GRXCR1: variants seen among roughly 807,000 people sequenced by gnomAD.
The protein encoded by GRXCR1 is glutaredoxin domain-containing cysteine-rich protein 1.
Under a neutral mutation model 27.3 loss-of-function variants are expected in GRXCR1, and 27 were observed. The ratio of observed to expected loss-of-function variants is 0.99; its 90% CI spans 0.73 to 1.37. GRXCR1 has a LOEUF of 1.37. Ranked by LOEUF, GRXCR1 falls within the 40% of genes most tolerant of loss-of-function variation. GRXCR1 has a pLI of 0.00. For missense variants in GRXCR1, 379 were observed against 354.4 expected, an observed-to-expected ratio of 1.07 and a Z score of -0.56; for synonymous variants, 122 against 131.1, an observed-to-expected ratio of 0.93 and a Z score of 0.47.
intron 2 of GRXCR1, among the ~76,000 whole-genome samples, chr4:42,964,585 C>T (rs1400977774): frequency 1.3e-5 from 2 of 151,962 alleles, no homozygotes; most frequent in Non-Finnish European, 2.9e-5. Flanking sequence ...CAAAAGAAAA[C>T]ATTAATTCCT....
intron 1 of GRXCR1, among the ~76,000 whole-genome samples, chr4:42,949,855 A>G (rs372903023): frequency 6.6e-6 from 1 of 152,112 alleles, no homozygotes; most frequent in South Asian, 2.1e-4. Flanking sequence ...CAAATTCTGA[A>G]TTTTCACTGG....
chr4:42,919,316 A>G (rs570727568), intron 1 of GRXCR1, among the ~76,000 whole-genome samples: 1 of 151,740 alleles, frequency 6.6e-6, no homozygotes, highest in African/African-American at 2.4e-5. Context: ...CCTCATATCT[A>G]CTCTTTTATT....
At chr4:42,955,057 C>T (rs982594885) in intron 1 of GRXCR1, among the ~76,000 whole-genome samples, 2 of 151,906 alleles carry the variant, frequency 1.3e-5, no homozygotes, top group East Asian at 3.9e-4. Context: ...TTTACTAGGC[C>T]CACAGCCCTG....
At chr4:42,941,421 T>C (rs1747618216) in intron 1 of GRXCR1, among the ~76,000 whole-genome samples, 2 of 152,068 alleles carry the variant, frequency 1.3e-5, no homozygotes, top group African/African-American at 4.8e-5. Context: ...TATTTTTAAT[T>C]TGAATGCCTA....
At chr4:42,896,856 A>G (rs566621845) in intron 1 of GRXCR1, among the ~76,000 whole-genome samples, 1 of 151,980 alleles carries the variant, frequency 6.6e-6, no homozygotes, top group Non-Finnish European at 1.5e-5. Context: ...TATCAGAAAA[A>G]TTTTTCTGAG....
chr4:43,016,488 T>C (rs575410733), intron 2 of GRXCR1, among the ~76,000 whole-genome samples: 1 of 152,334 alleles, frequency 6.6e-6, no homozygotes, highest in East Asian at 1.9e-4. Context: ...GCCTTACTAC[T>C]TGTGTTCTTA....
intron 2 of GRXCR1, among the ~76,000 whole-genome samples, chr4:42,991,473 C>CAT (rs71648752): frequency 0.21 from 31,419 of 147,600 alleles, 3,557 homozygotes; most frequent in Admixed American, 0.29. Context: ...CACACACATA[C>CAT]ATATATATAT....
Position 42,938,188 on chromosome 4 carries a change from C to T in GRXCR1, c.385-24704C>T, listed in dbSNP as rs574286825. Among the ~76,000 whole-genome samples, 12 of 152,084 alleles carry T rather than the reference C, an allele frequency of 7.9e-5. No homozygotes were observed. In the South Asian group the frequency reaches 2.5e-3, roughly 32 times the overall value. ...GTTACAATATGTGAAGCTTGTCTTT[C>T]TGTGTCAGCTTATTTTAGTTAACAA... On this transcript the variant is annotated intron_variant, in intron 1 of 3. Transcript: ENST00000399770.
chr4:42,896,573 A>C (rs1033439586), intron 1 of GRXCR1, among the ~76,000 whole-genome samples: 3 of 152,066 alleles, frequency 2.0e-5, no homozygotes, highest in Non-Finnish European at 2.9e-5. Context: ...AGATAACAAG[A>C]ATACAGAGCT....
chr4:42,928,726 A>AAAGGC (rs917451742), intron 1 of GRXCR1, among the ~76,000 whole-genome samples: 1 of 151,990 alleles, frequency 6.6e-6, no homozygotes, highest in Non-Finnish European at 1.5e-5. Flanking sequence ...TTTCCATGGG[A>AAAGGC]AAGGCAAGGC....
chr4:42,901,681 C>T (rs1746464092), intron 1 of GRXCR1, among the ~76,000 whole-genome samples: 1 of 152,066 alleles, frequency 6.6e-6, no homozygotes, highest in Non-Finnish European at 1.5e-5. Flanking sequence ...ATTATTCTGC[C>T]TTCTATACTT....
At chr4:42,962,783 T>C in intron 1 of GRXCR1, 109 bp from the exon 2 acceptor site, 1 of 1,203,368 alleles carries the variant, frequency 8.3e-7, no homozygotes, top group Non-Finnish European at 1.2e-6. Context: ...GACAAATGTG[T>C]TCATTCAATT....
chr4:42,987,183 G>A (rs1389828919), intron 2 of GRXCR1, among the ~76,000 whole-genome samples: 1 of 135,894 alleles, frequency 7.4e-6, no homozygotes. Context: ...TGAAAAATGA[G>A]TATGATTTCA....
chr4:42,984,106 G>T (rs57821511), intron 2 of GRXCR1, among the ~76,000 whole-genome samples: 1 of 152,084 alleles, frequency 6.6e-6, no homozygotes, highest in East Asian at 1.9e-4. Flanking sequence ...AAAGTGCTGG[G>T]ATTACAGGCA....
intron 2 of GRXCR1, among the ~76,000 whole-genome samples, chr4:42,997,141 C>A (rs1712192349): frequency 6.6e-6 from 1 of 151,902 alleles, no homozygotes; most frequent in Non-Finnish European, 1.5e-5. Context: ...TGCAAATATT[C>A]TATATTAATA....
chr4:43,020,438 A>G lies in GRXCR1; in HGVS notation c.693+19A>G. 1.1e-5 allele frequency: 17 copies of G among 1,511,480 alleles called. No individual in the cohort carries two copies. The highest frequency in any genetic ancestry group is 1.5e-5 in the Non-Finnish European group (16 of 1,086,776). The allele number at this position is 1,511,480 out of a possible 1,614,324, so 93.6% of individuals were successfully genotyped here. A position where few individuals can be genotyped will look rare whatever the true frequency, so the allele number is the denominator to read the frequency against. On this transcript the variant is annotated intron_variant, in intron 3 of 3. Transcript: ENST00000399770. The stretch of plus-strand genomic sequence containing the variant: ...AATTGAGGTAAATGTGCTTTCAGCA[A>G]CTTAGTTTTAGTAATCAAAATATTA...
At chr4:42,974,887 A>G (rs1748475629) in intron 2 of GRXCR1, among the ~76,000 whole-genome samples, 2 of 152,168 alleles carry the variant, frequency 1.3e-5, no homozygotes, top group South Asian at 4.1e-4. Flanking sequence ...ATTGTGAGTT[A>G]AATTTCAAAA....
chr4:42,943,523 A>G (rs1348998862), intron 1 of GRXCR1, among the ~76,000 whole-genome samples: 1 of 152,050 alleles, frequency 6.6e-6, no homozygotes, highest in Non-Finnish European at 1.5e-5. Context: ...AGAGTCCTGG[A>G]CACTTAGTTT....
intron 2 of GRXCR1, among the ~76,000 whole-genome samples, chr4:42,975,189 C>T (rs987349): frequency 0.35 from 53,703 of 151,860 alleles, 9,683 homozygotes; most frequent in African/African-American, 0.4. Context: ...AGCCAAAAAC[C>T]AAAAACCAAA....
Sources: allele counts gnomAD v4.1 joint callset (sites outside exome capture counted in the v4.1 genomes callset), GRCh38; gene constraint gnomAD v4.1.1; transcripts MANE v1.5; gene names NCBI Gene and HGNC (gene_info 2026-07-23, HGNC 2026-07-21).